Variants in PTPRO observed in about 807,000 individuals in gnomAD.
The protein encoded by PTPRO is receptor-type tyrosine-protein phosphatase O.
In PTPRO, 62 loss-of-function variants were observed where a neutral mutation model predicts 145.2. That is an observed-to-expected ratio of 0.43 (90% confidence interval 0.35 to 0.53). The LOEUF is 0.53. Ranked by LOEUF, PTPRO falls within the 20% of genes least tolerant of loss-of-function variation. The pLI is 0.01. For synonymous variants in PTPRO, 565 were observed against 514.7 expected (o/e 1.10, Z -1.32); for missense variants, 1,345 against 1,482.7 (o/e 0.91, Z 1.53).
At chr12:15,422,597 CA>C (rs1696763318) in intron 1 of PTPRO, among the ~76,000 whole-genome samples, 1 of 152,034 alleles carries the variant, frequency 6.6e-6, no homozygotes, top group African/African-American at 2.4e-5. Flanking sequence ...TCATTTTTCA[CA>C]GAGGAAATTA....
At chr12:15,406,934 A>G (rs1216528445) in intron 1 of PTPRO, among the ~76,000 whole-genome samples, 1 of 152,254 alleles carries the variant, frequency 6.6e-6, no homozygotes, top group Non-Finnish European at 1.5e-5. Context: ...CTAAAGTAGC[A>G]TAGACTTAGC....
chr12:15,378,598 G>T (rs1045615206), intron 1 of PTPRO, among the ~76,000 whole-genome samples: 1 of 151,964 alleles, frequency 6.6e-6, no homozygotes, highest in Non-Finnish European at 1.5e-5. Flanking sequence ...GCTTTATGAT[G>T]AATTCTACCA....
In PTPRO at chr12:15,394,638, GC is replaced by G. The variant is rs766291297; in HGVS notation, c.75+71839del. On this transcript the variant is annotated intron_variant, in intron 1 of 26. Coordinates refer to ENST00000281171, the MANE Select transcript of PTPRO (RefSeq NM_030667.3). Reference sequence around the variant, plus strand: ...TGTGTTAACCTCTGAAATTCCTTTTGCCATGCAGTACGATTTCTGATTACCA... The same window carrying G: ...TGTGTTAACCTCTGAAATTCCTTTTGCATGCAGTACGATTTCTGATTACCA... 7.2e-5 allele frequency among the ~76,000 whole-genome samples: 11 copies of G among 152,274 alleles called. No homozygotes were observed. In the South Asian group the frequency reaches 1.9e-3, roughly 26 times the overall value.
intron 12 of PTPRO, among the ~76,000 whole-genome samples, chr12:15,529,162 C>T (rs1280778115): frequency 6.6e-6 from 1 of 151,996 alleles, no homozygotes; most frequent in East Asian, 1.9e-4. Flanking sequence ...GGTATAAAGC[C>T]CAAAAGACAA....
At chr12:15,515,976 G>GTTTTTTTTTTTT (rs779273373) in intron 8 of PTPRO, among the ~76,000 whole-genome samples, 1 of 126,202 alleles carries the variant, frequency 7.9e-6, no homozygotes, top group Non-Finnish European at 1.7e-5. Flanking sequence ...TGTTTGTCTG[G>GTTTTTTTTTTTT]TTTTTTTTTT....
At chr12:15,352,911 A>G (rs1033872169) in intron 1 of PTPRO, among the ~76,000 whole-genome samples, 1 of 152,198 alleles carries the variant, frequency 6.6e-6, no homozygotes, top group African/African-American at 2.4e-5. Context: ...TCAATTACCC[A>G]GAAAATACAT....
At chr12:15,463,165 T>C (rs780511358) in intron 1 of PTPRO, among the ~76,000 whole-genome samples, 11 of 152,190 alleles carry the variant, frequency 7.2e-5, no homozygotes, top group African/African-American at 1.2e-4. Flanking sequence ...TGGATACTTA[T>C]GACCTAAAAG....
At chr12:15,552,872 T>G (rs1943506660) in intron 15 of PTPRO, among the ~76,000 whole-genome samples, 2 of 147,290 alleles carry the variant, frequency 1.4e-5, no homozygotes, top group Non-Finnish European at 3.0e-5. Context: ...CCATCTTGGT[T>G]CACTGCAAGC....
intron 8 of PTPRO, 39 bp downstream of exon 8, chr12:15,515,657 A>G: frequency 1.2e-6 from 2 of 1,612,664 alleles, no homozygotes; most frequent in Admixed American, 1.7e-5. Flanking sequence ...TGACCTATAT[A>G]TTAGGGTATT....
At chr12:15,373,145 G>A (rs1938581208) in intron 1 of PTPRO, among the ~76,000 whole-genome samples, 1 of 152,146 alleles carries the variant, frequency 6.6e-6, no homozygotes, top group South Asian at 2.1e-4. Context: ...CATATTTAGA[G>A]CCATAACTAA....
intron 19 of PTPRO, among the ~76,000 whole-genome samples, chr12:15,573,371 A>G (rs907716010): frequency 6.6e-6 from 1 of 152,194 alleles, no homozygotes; most frequent in Non-Finnish European, 1.5e-5. Flanking sequence ...TGTTAATCAC[A>G]TATGAGAAAA....
At chr12:15,519,168 G>C (rs999188894) in intron 9 of PTPRO, among the ~76,000 whole-genome samples, 1 of 152,180 alleles carries the variant, frequency 6.6e-6, no homozygotes, top group African/African-American at 2.4e-5. Flanking sequence ...GTCTTACATG[G>C]ATGGCACCAA....
Position 15,360,639 on chromosome 12 carries a change from G to GTA in PTPRO, c.75+37847_75+37848dup, listed in dbSNP as rs922076320. On this transcript the variant is annotated intron_variant, in intron 1 of 26. Transcript: ENST00000281171. ...TCTCTCTATATATATATGTGTGTGT[G>GTA]TATATATATACATATAGAGATACTA... Among the ~76,000 whole-genome samples the GTA allele has an allele frequency of 1.5e-4, 23 of 149,974 alleles. 1 individual carries two copies. The highest frequency in any genetic ancestry group is 1.3e-3 in the Admixed American group (19 of 15,072).
At position 15,490,243 on chromosome 12, in the gene PTPRO, T is replaced by G. The variant is rs116382502; in HGVS notation, c.349+5996T>G. 3.8e-3 allele frequency among the ~76,000 whole-genome samples: 572 copies of G among 152,328 alleles called. 5 individuals carry two copies. Among genetic ancestry groups the G allele is most frequent in the African/African-American group, 0.013 (543 of 41,568 alleles). ...CATATGTATAGCCTTAGGCAGATGA[T>G]TACTTTCTCTAAATCTTAGTTTTCA... is the stretch of plus-strand genomic sequence containing the variant. On this transcript the variant is annotated intron_variant, in intron 2 of 26. Transcript: ENST00000281171.
chr12:15,529,917 T>G (rs1942925073), intron 12 of PTPRO, among the ~76,000 whole-genome samples: 2 of 152,156 alleles, frequency 1.3e-5, no homozygotes, highest in Admixed American at 1.3e-4. Context: ...CAATTAAAAG[T>G]CACAGTGTGG....
At position 15,467,162 on chromosome 12, in the gene PTPRO, G is replaced by A. The variant is rs915215593; in HGVS notation, c.76-16812G>A. 2.6e-5 allele frequency among the ~76,000 whole-genome samples: 4 copies of A among 152,160 alleles called. No individual in the cohort carries two copies. The South Asian group carries it at 8.3e-4, about 32-fold the overall frequency. On this transcript the variant is annotated intron_variant, in intron 1 of 26. Transcript: ENST00000281171. ...AATAAAAGTAAGCTCTAGGTGCATA[G>A]CACACTATGCTATTTCCTTGATTCT... is the stretch of plus-strand genomic sequence containing the variant.
intron 1 of PTPRO, among the ~76,000 whole-genome samples, chr12:15,328,404 T>A (rs1198667030): frequency 6.6e-6 from 1 of 152,212 alleles, no homozygotes; most frequent in Non-Finnish European, 1.5e-5. Context: ...AAAGGCCAGC[T>A]CCTTTTTCTT....
chr12:15,504,533 T>C (rs1289787992), intron 6 of PTPRO, among the ~76,000 whole-genome samples: 1 of 152,194 alleles, frequency 6.6e-6, no homozygotes, highest in Non-Finnish European at 1.5e-5. Context: ...GGAAAAGTCA[T>C]AGCTAGAGCA....
At chr12:15,569,353 C>A in intron 18 of PTPRO, 64 bp from the exon 19 acceptor site, 1 of 1,317,538 alleles carries the variant, frequency 7.6e-7, no homozygotes. Context: ...TGATATTAAA[C>A]AATATATAAT....
Sources: allele counts gnomAD v4.1 joint callset (sites outside exome capture counted in the v4.1 genomes callset), GRCh38; gene constraint gnomAD v4.1.1; transcripts MANE v1.5; gene names NCBI Gene and HGNC (gene_info 2026-07-23, HGNC 2026-07-21).